NCAN: variants seen among roughly 807,000 people sequenced by gnomAD.
NCAN encodes the protein neurocan.
NCAN carries 47 observed loss-of-function variants against 121.8 expected under a neutral mutation model. The observed-to-expected ratio is 0.39, with a 90% CI of 0.31 to 0.49. NCAN has a LOEUF of 0.49. Among genes scored for constraint, NCAN ranks in the 20% least tolerant of loss-of-function variants. The pLI, the probability that NCAN is intolerant of heterozygous loss-of-function variation, is 0.92. For missense variants in NCAN, 1,517 were observed against 1,773.4 expected (o/e 0.86, Z 2.60); for synonymous variants, 633 against 702.0 (o/e 0.90, Z 1.55).
intron 13 of NCAN, 94 bp downstream of exon 13, chr19:19,245,551 C>T: frequency 2.8e-6 from 4 of 1,426,418 alleles, no homozygotes; most frequent in African/African-American, 1.4e-5. Flanking sequence ...AATCATGGCT[C>T]ATCACAGCCT....
chr19:19,243,821 T>A (rs139589404), intron 12 of NCAN, among the ~76,000 whole-genome samples: 4,017 of 150,980 alleles, frequency 0.027, 76 homozygotes, highest in Non-Finnish European at 0.039. Context: ...AGGTCAGGAG[T>A]TCAAGACCAG....
intron 5 of NCAN, among the ~76,000 whole-genome samples, chr19:19,224,660 T>TC (rs1208509483): frequency 6.7e-6 from 1 of 148,400 alleles, no homozygotes; most frequent in East Asian, 2.1e-4. Context: ...CCCTCTCTAA[T>TC]CCCCTGTCCC....
rs761464442 is a variant in NCAN, at chr19:19,219,050, C to G, written c.209C>G (p.Ala70Gly). 3 of 1,611,990 alleles carry G rather than the reference C, an allele frequency of 1.9e-6. No homozygotes were observed. The highest frequency in any genetic ancestry group is 2.5e-6 in the Non-Finnish European group (3 of 1,178,864). Residue 70 changes from alanine to glycine, a missense_variant, in exon 3 of 15, where the codon GCC becomes GGC. Physicochemically the swap from Ala to Gly is moderately conservative, Grantham distance 60 (BLOSUM62 0). Transcript: ENST00000252575. ...LFTLQPRPSA[A>G]RDAPRIKWTK... ...ACCCTGCAGCCACGGCCAAGCGCAG[C>G]CCGAGATGCCCCTCGGATAAAGTGG...
intron 9 of NCAN, among the ~76,000 whole-genome samples, chr19:19,234,690 G>A (rs10425084): frequency 0.029 from 4,348 of 152,290 alleles, 209 homozygotes; most frequent in African/African-American, 0.1. Flanking sequence ...CTATGAGCCT[G>A]TTTTTGAGAG....
intron 8 of NCAN, among the ~76,000 whole-genome samples, chr19:19,230,715 CTT>C (rs5827437): frequency 7.8e-6 from 1 of 127,790 alleles, no homozygotes; most frequent in African/African-American, 3.0e-5. Context: ...GGGGTGGGAT[CTT>C]TTTTTTTTTT....
Position 19,224,185 on chromosome 19 carries a change from C to T in NCAN, c.640C>T (p.Arg214Cys), listed in dbSNP as rs748873332. 5.0e-5 allele frequency: 80 copies of T among 1,589,836 alleles called. No homozygotes were observed. The highest frequency in any genetic ancestry group is 4.7e-4 in the South Asian group (42 of 88,916). Residue 214 changes from arginine (R) to cysteine (C), a missense_variant, in exon 4 of 15, where the codon CGC becomes TGC. Physicochemically the swap from Arg to Cys is radical, Grantham distance 180. Transcript: ENST00000252575. Reference protein sequence around the residue: ...DNCDAGWLSDRTVRYPITQSR... With the variant: ...DNCDAGWLSDCTVRYPITQSR... Reference sequence around the variant, plus strand: ...CTGTGATGCTGGCTGGCTCTCTGACCGCACTGTTCGGTGAGGGGGATACAC... The same window carrying T: ...CTGTGATGCTGGCTGGCTCTCTGACTGCACTGTTCGGTGAGGGGGATACAC...
At position 19,235,065 on chromosome 19, in the gene NCAN, C is replaced by T; in HGVS notation, c.3219C>T (p.Leu1073=). 6 of 1,612,560 alleles carry T rather than the reference C, an allele frequency of 3.7e-6. No homozygotes were observed. The highest frequency in any genetic ancestry group is 5.1e-6 in the Non-Finnish European group (6 of 1,178,928). The change falls in exon 10 of 15, where the codon CTC becomes CTT. Residue 1073 remains leucine, a synonymous_variant. Coordinates refer to ENST00000252575, the MANE Select transcript of NCAN (RefSeq NM_004386.3). ...TCAATGGCTTTGTCTGCCTTTGCCTCCCCAGCTATGGGGGCAGCTTTTGTG... is the reference window on the plus strand; with the variant it reads ...TCAATGGCTTTGTCTGCCTTTGCCTTCCCAGCTATGGGGGCAGCTTTTGTG... ...DEVNGFVCLC[L]PSYGGSFCEK...
At position 19,212,850 on chromosome 19, in the gene NCAN, G is replaced by A. The variant is rs1193469468; in HGVS notation, c.-8+786G>A. Among the ~76,000 whole-genome samples, 1 of 152,182 alleles carries A rather than the reference G, an allele frequency of 6.6e-6. No individual in the cohort carries two copies. The highest frequency in any genetic ancestry group is 6.5e-5 in the Admixed American group (1 of 15,282). On this transcript the variant is annotated intron_variant, in intron 1 of 14. Coordinates refer to ENST00000252575, the MANE Select transcript of NCAN (RefSeq NM_004386.3). This position sits in a 1 kb window ranked among gnomAD's most constrained non-coding sequence, Gnocchi z 4.5. ...TGTGAGGGATACCAGCTCAGAGGGG[G>A]GGCTGTCCCCCAGCACCTTCACAGC...
intron 13 of NCAN, among the ~76,000 whole-genome samples, chr19:19,246,659 G>A (rs1211110609): frequency 6.6e-6 from 1 of 151,598 alleles, no homozygotes; most frequent in Non-Finnish European, 1.5e-5. Flanking sequence ...TCAGCCTCCC[G>A]AGTAGCTGGG....
intron 3 of NCAN, among the ~76,000 whole-genome samples, chr19:19,220,447 ATTC>A (rs1407266018): frequency 5.5e-5 from 6 of 108,728 alleles, no homozygotes; most frequent in Non-Finnish European, 9.3e-5. Flanking sequence ...TGTTTAGGCA[ATTC>A]TTTTTTTTTT....
At chr19:19,239,840 C>T (rs1424723966) in intron 11 of NCAN, among the ~76,000 whole-genome samples, 2 of 139,680 alleles carry the variant, frequency 1.4e-5, no homozygotes, top group Admixed American at 7.1e-5. Flanking sequence ...CCACTCTTCC[C>T]CCTCCTCCCT....
Position 19,251,310 on chromosome 19 carries a change from TA to T in NCAN, c.*1401del, listed in dbSNP as rs2060945358. On this transcript the variant is annotated 3_prime_UTR_variant, in exon 15 of 15. Coordinates refer to ENST00000252575, the MANE Select transcript of NCAN (RefSeq NM_004386.3). The stretch of plus-strand genomic sequence containing the variant: ...CTGAGCCTGAATCCCTTCTGGGAAG[TA>T]ATAATGACCATTGACAACTAAGAAG... 1 of 152,204 alleles carries T rather than the reference TA, an allele frequency of 6.6e-6. No individual in the cohort carries two copies. Among genetic ancestry groups the T allele is most frequent in the South Asian group, 2.1e-4 (1 of 4,832 alleles). The allele number at this position is 152,204 out of a possible 1,614,324, so 9.4% of individuals were successfully genotyped here. A position where few individuals can be genotyped will look rare whatever the true frequency, so the allele number is the denominator to read the frequency against.
chr19:19,230,391 C>T (rs1253624280), intron 8 of NCAN, among the ~76,000 whole-genome samples: 1 of 136,900 alleles, frequency 7.3e-6, no homozygotes, highest in Admixed American at 8.8e-5. Context: ...CTACCGCACC[C>T]CCCACCCCCA....
intron 6 of NCAN, 84 bp from the exon 7 acceptor site, chr19:19,226,402 C>T: frequency 9.5e-7 from 1 of 1,048,474 alleles, no homozygotes; most frequent in Non-Finnish European, 1.4e-6. Flanking sequence ...TATGCTGCAG[C>T]ATGCTGGAAA....
intron 9 of NCAN, among the ~76,000 whole-genome samples, chr19:19,234,547 C>T (rs10424369): frequency 0.075 from 11,383 of 152,218 alleles, 773 homozygotes; most frequent in African/African-American, 0.17. Context: ...CAGTGCCATA[C>T]GTGCCTCAAG....
Position 19,224,357 on chromosome 19 carries a change from T to G in NCAN, c.702T>G (p.Leu234=). 1 of 1,614,090 alleles carries G rather than the reference T, an allele frequency of 6.2e-7. No homozygotes were observed. Among genetic ancestry groups the G allele is most frequent in the Non-Finnish European group, 8.5e-7 (1 of 1,179,986 alleles). ...GTTGCTATGGCGACCGTAGCAGCCT[T>G]CCAGGGGTTCGGAGCTATGGGAGGC... The part of the protein sequence containing the change: ...RPGCYGDRSS[L]PGVRSYGRRN... Residue 234 remains leucine, a synonymous_variant, in exon 5 of 15, where the codon CTT becomes CTG. Transcript: ENST00000252575.
Position 19,245,321 on chromosome 19 carries a change from G to A in NCAN, c.3501G>A (p.Glu1167=), listed in dbSNP as rs1230808828. 3.1e-6 allele frequency: 5 copies of A among 1,614,108 alleles called. No individual in the cohort carries two copies. The South Asian group carries it at 4.4e-5, about 14-fold the overall frequency. ...QWTDNTGLQF[E]NWRENQPDNF... is the part of the protein sequence containing the mutation. ...GCCCCCTATTCCTGCAGCAATTTGA[G>A]AACTGGCGAGAGAACCAGCCGGACA... Residue 1167 remains glutamate (E), a synonymous_variant, in exon 13 of 15, where the codon GAG becomes GAA. Transcript: ENST00000252575.
At chr19:19,213,911 AAC>A (rs1199339817) in intron 1 of NCAN, among the ~76,000 whole-genome samples, 1 of 152,130 alleles carries the variant, frequency 6.6e-6, no homozygotes, top group African/African-American at 2.4e-5. Context: ...TCAGGTCAGA[AAC>A]ACACACATGT....
At chr19:19,214,495 T>G (rs1328882322) in intron 1 of NCAN, among the ~76,000 whole-genome samples, 5 of 152,042 alleles carry the variant, frequency 3.3e-5, no homozygotes, top group Non-Finnish European at 7.4e-5. Context: ...TTGGGCAACC[T>G]CAGTATATTT....
Sources: gnomAD v4.1 joint callset for allele counts (sites outside exome capture counted in the v4.1 genomes callset) on GRCh38, gnomAD v4.1.1 for gene constraint, Gnocchi (gnomAD v3.1) non-coding constraint, MANE v1.5 for transcripts, NCBI Gene and HGNC (gene_info 2026-07-23, HGNC 2026-07-21) for gene names.